The following ZNF83 variants were observed in gnomAD, a reference collection of about 807,000 sequenced individuals.
ZNF83 encodes the protein zinc finger protein 816B.
For synonymous variants in ZNF83, 209 were observed against 213.0 expected, an observed-to-expected ratio of 0.98 and a Z score of 0.17; for missense variants, 552 against 629.9, an observed-to-expected ratio of 0.88 and a Z score of 1.32.
chr19:52,652,642 TA>T, intron 3 of ZNF83: 1 of 508,772 alleles, frequency 2.0e-6, no homozygotes, highest in Non-Finnish European at 3.9e-6. Flanking sequence ...ACTACACTTG[TA>T]AGATCTCTCT....
At chr19:52,684,420 AC>A (rs2061979017) in intron 1 of ZNF83, among the ~76,000 whole-genome samples, 1 of 151,668 alleles carries the variant, frequency 6.6e-6, no homozygotes, top group South Asian at 2.1e-4. Flanking sequence ...GTGGTGGCAC[AC>A]CCCTATAATC....
At chr19:52,615,932 G>A (rs1347023182) in intron 2 of ZNF83, among the ~76,000 whole-genome samples, 3 of 152,174 alleles carry the variant, frequency 2.0e-5, no homozygotes, top group Non-Finnish European at 2.9e-5. Flanking sequence ...TCCGCCACAC[G>A]AGTTCAAGCG....
At chr19:52,631,139 A>G (rs1442074088) in intron 2 of ZNF83, among the ~76,000 whole-genome samples, 1 of 145,344 alleles carries the variant, frequency 6.9e-6, no homozygotes, top group Non-Finnish European at 1.5e-5. Context: ...TACTGCCGCA[A>G]GGCTTCACAG....
intron 1 of ZNF83, among the ~76,000 whole-genome samples, chr19:52,683,100 C>T (rs1338751499): frequency 6.6e-6 from 1 of 152,154 alleles, no homozygotes; most frequent in African/African-American, 2.4e-5. Flanking sequence ...AAACTCCTGA[C>T]TTCAAGTGAT....
intron 1 of ZNF83, among the ~76,000 whole-genome samples, chr19:52,687,492 TTA>T (rs1260195837): frequency 1.9e-5 from 1 of 53,532 alleles, no homozygotes; most frequent in African/African-American, 1.0e-4. Flanking sequence ...AAATTATAAT[TTA>T]TATAGATATA....
chr19:52,655,637 C>T lies in ZNF83; in HGVS notation c.-150G>A, dbSNP rs1213044485. On this transcript the variant is annotated 5_prime_UTR_variant, in exon 3 of 6. Coordinates refer to the ZNF83 transcript ENST00000594682. ...CCCTCTGTGCAGGGTTCAGGCATTT[C>T]CACTCCTCCAAAGAGAATTCTATAG... The T allele has an allele frequency of 5.6e-6, 8 of 1,426,694 alleles. No individual in the cohort carries two copies. In the African/African-American group the frequency reaches 1.1e-4, roughly 20 times the overall value. The allele number at this position is 1,426,694 out of a possible 1,614,324, so 88.4% of individuals were successfully genotyped here. A position where few individuals can be genotyped will look rare whatever the true frequency, so the allele number is the denominator to read the frequency against.
At chr19:52,657,675 C>T (rs1463855494) in intron 2 of ZNF83, among the ~76,000 whole-genome samples, 1 of 151,988 alleles carries the variant, frequency 6.6e-6, no homozygotes, top group African/African-American at 2.4e-5. Flanking sequence ...TAGAGAAACC[C>T]CGTCTCTACT....
At chr19:52,671,745 G>A (rs1012649489) in intron 1 of ZNF83, among the ~76,000 whole-genome samples, 1 of 152,066 alleles carries the variant, frequency 6.6e-6, no homozygotes, top group Non-Finnish European at 1.5e-5. Context: ...CCATCCAATT[G>A]CAATCTATTT....
exon 3 of ZNF83, chr19:52,613,645 T>A (rs1568523844): frequency 6.2e-7 from 1 of 1,613,930 alleles, no homozygotes; most frequent in Non-Finnish European, 8.5e-7. Flanking sequence ...AATTCTCCAG[T>A]GATTTACTAG....
chr19:52,671,111 C>T (rs780054316), intron 1 of ZNF83, among the ~76,000 whole-genome samples: 2 of 152,118 alleles, frequency 1.3e-5, no homozygotes, highest in East Asian at 1.9e-4. Flanking sequence ...ACAAACGATA[C>T]CTTTGAAGGA....
chr19:52,614,943 GA>G (rs1462178502), intron 2 of ZNF83, 146 bp from the exon 3 acceptor site: 7 of 759,088 alleles, frequency 9.2e-6, no homozygotes, highest in Non-Finnish European at 1.3e-5. Context: ...TAACTTTTTG[GA>G]AAACAAAAGG....
chr19:52,620,053 T>C (rs1204196246), intron 2 of ZNF83, among the ~76,000 whole-genome samples: 1 of 152,120 alleles, frequency 6.6e-6, no homozygotes, highest in Non-Finnish European at 1.5e-5. Context: ...CATCTCAAAA[T>C]ACAAGAAAAC....
At chr19:52,618,688 C>A in intron 2 of ZNF83, 1 of 661,414 alleles carries the variant, frequency 1.5e-6, no homozygotes, top group Non-Finnish European at 2.3e-6. Flanking sequence ...TGAGTCACCA[C>A]GCCTTGCCAG....
chr19:52,670,587 G>C (rs1030968230), intron 1 of ZNF83, among the ~76,000 whole-genome samples: 2 of 152,156 alleles, frequency 1.3e-5, no homozygotes, highest in African/African-American at 4.8e-5. Context: ...TCATGGAAAA[G>C]AGTCAAACTC....
upstream of ZNF83, among the ~76,000 whole-genome samples, chr19:52,641,202 C>G (rs2061300654): frequency 6.6e-6 from 1 of 152,162 alleles, no homozygotes; most frequent in Non-Finnish European, 1.5e-5. Flanking sequence ...CACGCTCTAG[C>G]TCTCCTAGGT....
At chr19:52,640,461 A>G (rs965799234), upstream of ZNF83, among the ~76,000 whole-genome samples, 3 of 152,190 alleles carry the variant, frequency 2.0e-5, no homozygotes, top group Admixed American at 2.0e-4. Context: ...ACTCCATAAG[A>G]AGTAACAATG....
chr19:52,658,967 C>A (rs564218411), intron 2 of ZNF83, among the ~76,000 whole-genome samples: 13 of 152,236 alleles, frequency 8.5e-5, no homozygotes, highest in African/African-American at 2.9e-4. Context: ...GCCTGGAGTG[C>A]GAGCTGCTCA....
upstream of ZNF83, among the ~76,000 whole-genome samples, chr19:52,639,029 G>T (rs1035744992): frequency 1.3e-5 from 2 of 152,120 alleles, no homozygotes; most frequent in Non-Finnish European, 2.9e-5. Context: ...GTTACATAGG[G>T]ATCCAACATT....
chr19:52,667,249 A>G (rs2061667168), intron 1 of ZNF83, among the ~76,000 whole-genome samples: 1 of 150,988 alleles, frequency 6.6e-6, no homozygotes, highest in Non-Finnish European at 1.5e-5. Context: ...AAAAAGGAGG[A>G]AGGAGAATTT....
Sources: gnomAD v4.1 joint callset for allele counts (sites outside exome capture counted in the v4.1 genomes callset) on GRCh38, gnomAD v4.1.1 for gene constraint, MANE v1.5 for transcripts, NCBI Gene and HGNC (gene_info 2026-07-23, HGNC 2026-07-21) for gene names.